The following XKR9 variants were observed in gnomAD, a reference collection of about 807,000 sequenced individuals.
The protein encoded by XKR9 is XK-related protein 9.
Under a neutral mutation model 32.0 loss-of-function variants are expected in XKR9, and 32 were observed. The observed-to-expected ratio is 1.00, with a 90% CI of 0.76 to 1.34. The LOEUF (loss-of-function observed/expected upper bound fraction) is 1.34, where lower values mean the gene tolerates loss of function less well. Ranked by LOEUF, XKR9 falls within the 40% of genes most tolerant of loss-of-function variation. XKR9 has a pLI of 0.00. For synonymous variants in XKR9, 168 were observed against 143.4 expected (o/e 1.17, Z -1.22); for missense variants, 546 against 429.7 (o/e 1.27, Z -2.39).
downstream of XKR9, among the ~76,000 whole-genome samples, chr8:70,736,869 A>G (rs1237915864): frequency 6.6e-6 from 1 of 151,744 alleles, no homozygotes; most frequent in Admixed American, 6.6e-5. Flanking sequence ...TGGTTACTGT[A>G]GCCTTGTAGT....
At chr8:70,740,171 T>G (rs1194132779), downstream of XKR9, among the ~76,000 whole-genome samples, 2 of 152,146 alleles carry the variant, frequency 1.3e-5, no homozygotes, top group Non-Finnish European at 2.9e-5. Context: ...TCGTTTCTTT[T>G]TATTCTTTTT....
chr8:70,674,996 C>G (rs1378975644), intron 2 of XKR9, 97 bp downstream of exon 2: 1 of 152,198 alleles, frequency 6.6e-6, no homozygotes, highest in Admixed American at 6.6e-5. Context: ...GATAGTTGTA[C>G]AGTGGGCAAA....
At chr8:70,797,341 C>A in the XKR9 span, among the ~76,000 whole-genome samples, 1 of 152,096 alleles carries the variant, frequency 6.6e-6, no homozygotes, top group East Asian at 1.9e-4. Flanking sequence ...ACAATTTTTA[C>A]CTCCTCCGCA....
intron 2 of XKR9, among the ~76,000 whole-genome samples, chr8:70,745,712 C>T (rs951687420): frequency 6.6e-6 from 1 of 152,194 alleles, no homozygotes; most frequent in Non-Finnish European, 1.5e-5. Context: ...GGCAATGGAA[C>T]CACAGAGAAA....
At chr8:70,761,253 G>A (rs1807305125) in intron 2 of XKR9, among the ~76,000 whole-genome samples, 1 of 152,190 alleles carries the variant, frequency 6.6e-6, no homozygotes, top group African/African-American at 2.4e-5. Flanking sequence ...TGGTTGAATG[G>A]TGTTTCTGTC....
At chr8:70,929,981 A>T in the XKR9 span, among the ~76,000 whole-genome samples, 15 of 152,186 alleles carry the variant, frequency 9.9e-5, no homozygotes, top group African/African-American at 3.6e-4. Flanking sequence ...CGTCACAGGC[A>T]CCTTCTTCAG....
the XKR9 span, among the ~76,000 whole-genome samples, chr8:71,056,837 ATATCT>A: frequency 6.6e-6 from 1 of 152,228 alleles, no homozygotes; most frequent in Non-Finnish European, 1.5e-5. Flanking sequence ...TTATTTCTCC[ATATCT>A]TTTAGATATT....
the XKR9 span, among the ~76,000 whole-genome samples, chr8:70,851,552 C>A: frequency 7.0e-4 from 107 of 152,222 alleles, no homozygotes; most frequent in Admixed American, 1.2e-3. Context: ...ACTACAGTAA[C>A]CAAAACAGCA....
chr8:70,885,498 T>C, the XKR9 span, among the ~76,000 whole-genome samples: 1 of 152,070 alleles, frequency 6.6e-6, no homozygotes, highest in Non-Finnish European at 1.5e-5. Context: ...TTGCCGCACC[T>C]ATCAATCTGT....
intron 3 of XKR9, among the ~76,000 whole-genome samples, chr8:70,704,853 A>G (rs1397049716): frequency 6.6e-6 from 1 of 152,176 alleles, no homozygotes; most frequent in Non-Finnish European, 1.5e-5. Flanking sequence ...GGCAGTATTA[A>G]TCATTTTTTT....
At chr8:71,062,311 C>G in the XKR9 span, among the ~76,000 whole-genome samples, 1 of 152,102 alleles carries the variant, frequency 6.6e-6, no homozygotes, top group Non-Finnish European at 1.5e-5. Flanking sequence ...TCTCACTGTT[C>G]CAGAGACTGG....
chr8:71,034,459 G>A, the XKR9 span, among the ~76,000 whole-genome samples: 3 of 152,206 alleles, frequency 2.0e-5, no homozygotes, highest in Admixed American at 6.5e-5. Flanking sequence ...TCTCAGGTAT[G>A]TCCCTATAGC....
chr8:70,802,710 AG>A, the XKR9 span, among the ~76,000 whole-genome samples: 1 of 152,230 alleles, frequency 6.6e-6, no homozygotes, highest in African/African-American at 2.4e-5. Context: ...TTGTCTGAAA[AG>A]GATCTTATTT....
At chr8:71,008,824 A>G in the XKR9 span, among the ~76,000 whole-genome samples, 1 of 151,744 alleles carries the variant, frequency 6.6e-6, no homozygotes, top group South Asian at 2.1e-4. Context: ...GAGTGCCACC[A>G]CACCTGGCTG....
the XKR9 span, among the ~76,000 whole-genome samples, chr8:70,948,778 A>T: frequency 1.6e-3 from 248 of 152,358 alleles, 11 homozygotes; most frequent in South Asian, 0.048. Flanking sequence ...GGTAATTAAT[A>T]GCACATTTGT....
At chr8:71,055,042 A>G in the XKR9 span, among the ~76,000 whole-genome samples, 1 of 152,238 alleles carries the variant, frequency 6.6e-6, no homozygotes, top group Non-Finnish European at 1.5e-5. Context: ...CTTCAAGGAT[A>G]ACCTTAATGA....
the XKR9 span, among the ~76,000 whole-genome samples, chr8:70,991,803 A>T: frequency 6.6e-6 from 1 of 152,220 alleles, no homozygotes; most frequent in Non-Finnish European, 1.5e-5. Flanking sequence ...GTAATATACT[A>T]TGAGGTTTTG....
the XKR9 span, among the ~76,000 whole-genome samples, chr8:70,871,605 G>T: frequency 2.0e-5 from 3 of 152,122 alleles, no homozygotes; most frequent in African/African-American, 7.2e-5. Flanking sequence ...GATATGTGTT[G>T]TGTGTGTTCT....
At chr8:70,689,471 A>C (rs967210105) in intron 3 of XKR9, among the ~76,000 whole-genome samples, 7 of 148,166 alleles carry the variant, frequency 4.7e-5, no homozygotes, top group Non-Finnish European at 8.9e-5. Context: ...TATTTTATGT[A>C]TATATATGTA....
Sources: allele counts gnomAD v4.1 joint callset (sites outside exome capture counted in the v4.1 genomes callset), GRCh38; gene constraint gnomAD v4.1.1; transcripts MANE v1.5; gene names NCBI Gene and HGNC (gene_info 2026-07-23, HGNC 2026-07-21).